The following FADS2 variants were observed in gnomAD, a reference collection of about 807,000 sequenced individuals.
FADS2 encodes acyl-CoA 6-desaturase.
Under a neutral mutation model 61.2 loss-of-function variants are expected in FADS2, and 18 were observed. The ratio of observed to expected loss-of-function variants is 0.29; its 90% CI spans 0.20 to 0.44. The LOEUF (loss-of-function observed/expected upper bound fraction) is 0.44. Ranked by LOEUF, FADS2 falls within the 20% of genes least tolerant of loss-of-function variation. The pLI is 1.00. For missense variants in FADS2, 322 were observed against 572.7 expected (o/e 0.56, Z 4.47); for synonymous variants, 203 against 223.9 (o/e 0.91, Z 0.83).
Position 61,858,536 on chromosome 11 carries a change from T to C in FADS2, c.882+1006T>C, listed in dbSNP as rs73489304. On this transcript the variant is annotated intron_variant, in intron 7 of 11. Coordinates refer to ENST00000278840, the MANE Select transcript of FADS2 (RefSeq NM_004265.4). ...AGTGGATTCTTGAAAATTTTTCCTT[T>C]TTTTTAAAATAGGGACATTGGTCAT... Among the ~76,000 whole-genome samples the C allele has an allele frequency of 5.3e-3, 803 of 152,286 alleles. 8 individuals are homozygous for C. Among genetic ancestry groups the C allele is most frequent in the African/African-American group, 0.018 (745 of 41,550 alleles).
rs2066984045 is a variant in FADS2, at chr11:61,816,421, C to A, written c.136C>A (p.Gln46Lys). The A allele has an allele frequency of 1.3e-6, 2 of 1,598,820 alleles. No homozygotes were observed. Among genetic ancestry groups the A allele is most frequent in the Non-Finnish European group, 1.7e-6 (2 of 1,179,808 alleles). The change falls in exon 1 of 12, where the codon CAA becomes AAA. Residue 46 changes from glutamine to lysine, a missense_variant. Transcript: ENST00000257261. This position sits in a 1 kb window ranked among gnomAD's most constrained non-coding sequence, Gnocchi z 7.0. Reference sequence around the variant, plus strand: ...ATCCGCAGGACACCCAATCACCGGGCAACAGGTATGATCAGGCGCCTCCGG... The same window carrying A: ...ATCCGCAGGACACCCAATCACCGGGAAACAGGTATGATCAGGCGCCTCCGG...
intron 1 of FADS2, chr11:61,821,560 G>A (rs2135947552): frequency 3.2e-6 from 2 of 631,218 alleles, no homozygotes; most frequent in East Asian, 5.5e-5. Flanking sequence ...ACACATATAG[G>A]AGAAGCAATA....
chr11:61,818,071 G>C (rs1313713176), intron 1 of FADS2, among the ~76,000 whole-genome samples: 1 of 152,140 alleles, frequency 6.6e-6, no homozygotes, highest in Admixed American at 6.5e-5. Flanking sequence ...ACTGGTATTT[G>C]GGCACTTCAA....
chr11:61,824,503 G>GAA (rs1182668581), upstream of FADS2, among the ~76,000 whole-genome samples: 2 of 1,914 alleles, frequency 1.0e-3, no homozygotes, highest in Non-Finnish European at 4.8e-3. Flanking sequence ...AGAAAGAAAG[G>GAA]AAAGAAAGAA....
rs370195926 is a variant in FADS2, at chr11:61,837,850, C to T, written c.280C>T (p.Leu94=). 3 of 1,613,790 alleles carry T rather than the reference C, an allele frequency of 1.9e-6. No homozygotes were observed. The highest frequency in any genetic ancestry group is 2.7e-5 in the African/African-American group (2 of 74,928). The change falls in exon 2 of 12, where the codon CTG becomes TTG. Residue 94 remains leucine, a synonymous_variant. Transcript: ENST00000278840. ...KFLKPLLIGE[L]APEEPSQDHG... Reference sequence around the variant, plus strand: ...CTTGAAACCCCTGCTGATTGGTGAACTGGCCCCGGAGGAGCCCAGCCAGGA... The same window carrying T: ...CTTGAAACCCCTGCTGATTGGTGAATTGGCCCCGGAGGAGCCCAGCCAGGA...
chr11:61,866,253 G>A lies in FADS2; in HGVS notation c.*564G>A. ...GCTCGGGTCTCCCTCCTGCAGCTCGGTTAAGTACCCGAGGCCTCTCTTAAG... is the reference window on the plus strand; with the variant it reads ...GCTCGGGTCTCCCTCCTGCAGCTCGATTAAGTACCCGAGGCCTCTCTTAAG... On this transcript the variant is annotated 3_prime_UTR_variant, in exon 12 of 12. Coordinates refer to ENST00000278840, the MANE Select transcript of FADS2 (RefSeq NM_004265.4). 2.7e-6 allele frequency: 1 copy of A among 366,998 alleles called. No homozygotes were observed. The highest frequency in any genetic ancestry group is 4.8e-6 in the Non-Finnish European group (1 of 206,544). 22.7% of individuals were successfully genotyped at this position (366,998 alleles called of 1,614,324 possible). A position where few individuals can be genotyped will look rare whatever the true frequency, so the allele number is the denominator to read the frequency against.
At chr11:61,858,777 G>C (rs1211671451) in intron 7 of FADS2, among the ~76,000 whole-genome samples, 2 of 152,146 alleles carry the variant, frequency 1.3e-5, no homozygotes, top group Non-Finnish European at 2.9e-5. Context: ...GTAGTGATGG[G>C]GTTTCACCAT....
In FADS2 at chr11:61,852,933, T is replaced by C. The variant is rs1040856281; in HGVS notation, c.745-4078T>C. Among the ~76,000 whole-genome samples, 102 of 152,188 alleles carry C rather than the reference T, an allele frequency of 6.7e-4. 1 individual carries two copies. Among genetic ancestry groups the C allele is most frequent in the African/African-American group, 2.3e-3 (95 of 41,516 alleles). Reference sequence around the variant, plus strand: ...ACTTTGGGAGGCCGAGGCTGGCGGATCACGAGGTCAGGAGATCGAGACCAT... The same window carrying C: ...ACTTTGGGAGGCCGAGGCTGGCGGACCACGAGGTCAGGAGATCGAGACCAT... On this transcript the variant is annotated intron_variant, in intron 5 of 11. Transcript: ENST00000278840.
upstream of FADS2, chr11:61,827,770 C>T (rs2067095870): frequency 6.6e-6 from 1 of 152,596 alleles, no homozygotes; most frequent in African/African-American, 2.4e-5. The surrounding 1 kb of genome is among the most constrained non-coding windows in gnomAD (Gnocchi z 4.5). Flanking sequence ...CATTCGTTGC[C>T]CCCACCGGGA....
At position 61,865,806 on chromosome 11, in the gene FADS2, C is replaced by A; in HGVS notation, c.*117C>A. On this transcript the variant is annotated 3_prime_UTR_variant, in exon 12 of 12. Transcript: ENST00000278840. The surrounding 1 kb of genome is among the most constrained non-coding windows in gnomAD (Gnocchi z 4.1). ...GGCTGGTGTATGCACTGCTCACGGACCCCATGTTGGATCTTTCTCCCTTTC... is the reference window on the plus strand; with the variant it reads ...GGCTGGTGTATGCACTGCTCACGGAACCCATGTTGGATCTTTCTCCCTTTC... 2 of 801,508 alleles carry A rather than the reference C, an allele frequency of 2.5e-6. No individual in the cohort carries two copies. The highest frequency in any genetic ancestry group is 1.6e-5 in the South Asian group (1 of 62,014). 49.6% of individuals were successfully genotyped at this position (801,508 alleles called of 1,614,324 possible).
upstream of FADS2, among the ~76,000 whole-genome samples, chr11:61,824,454 G>GA (rs2067059362): frequency 2.0e-4 from 1 of 5,092 alleles, no homozygotes; most frequent in Admixed American, 4.3e-3. Context: ...GAGGGAGGGA[G>GA]GGAGGGAGAG....
rs559420720 is a variant in FADS2, at chr11:61,863,330, C to A, written c.1029C>A (p.Ile343=). The A allele has an allele frequency of 1.9e-6, 3 of 1,614,092 alleles. No homozygotes were observed. Among genetic ancestry groups the A allele is most frequent in the East Asian group, 2.2e-5 (1 of 44,878 alleles). ...WFVWVTQMNH[I]VMEIDQEAYR... is the part of the protein sequence containing the mutation. Reference sequence around the variant, plus strand: ...TGTGGGTCACACAGATGAATCACATCGTCATGGAGATTGACCAGGAGGCCT... The same window carrying A: ...TGTGGGTCACACAGATGAATCACATAGTCATGGAGATTGACCAGGAGGCCT... Residue 343 remains isoleucine (I), a synonymous_variant, in exon 9 of 12, where the codon ATC becomes ATA. Transcript: ENST00000278840.
At chr11:61,824,394 A>AGAGAG, upstream of FADS2, among the ~76,000 whole-genome samples, 1 of 17,342 alleles carries the variant, frequency 5.8e-5, no homozygotes, top group Non-Finnish European at 1.3e-4. Context: ...GGGAAAAAAA[A>AGAGAG]AGAGAGAGAG....
At chr11:61,837,428 T>C (rs2067182948) in intron 1 of FADS2, among the ~76,000 whole-genome samples, 1 of 152,190 alleles carries the variant, frequency 6.6e-6, no homozygotes, top group African/African-American at 2.4e-5. Flanking sequence ...TCACGAGCAG[T>C]CGAGGCTCAA....
In FADS2 at chr11:61,816,964, G is replaced by A; in HGVS notation, c.141+538G>A. 7.3e-7 allele frequency: 1 copy of A among 1,371,786 alleles called. No homozygotes were observed. Among genetic ancestry groups the A allele is most frequent in the Non-Finnish European group, 9.3e-7 (1 of 1,070,730 alleles). 85.0% of individuals were successfully genotyped at this position (1,371,786 alleles called of 1,614,324 possible). On this transcript the variant is annotated intron_variant, in intron 1 of 11. Transcript: ENST00000257261. The surrounding 1 kb of genome is among the most constrained non-coding windows in gnomAD (Gnocchi z 7.0). ...CTCGTGGCGCGGGGAGCGAGATCCC[G>A]TCCCCCGGTGGGTCTTGGGCAACTC... is the stretch of plus-strand genomic sequence containing the variant.
At chr11:61,853,831 G>A (rs2135972677) in intron 5 of FADS2, among the ~76,000 whole-genome samples, 1 of 152,264 alleles carries the variant, frequency 6.6e-6, no homozygotes, top group East Asian at 1.9e-4. Flanking sequence ...ACTGGGCTTT[G>A]CGACAGCTCC....
At chr11:61,844,564 A>G (rs115903717) in intron 4 of FADS2, among the ~76,000 whole-genome samples, 1,893 of 151,614 alleles carry the variant, frequency 0.012, 31 homozygotes, top group African/African-American at 0.042. Flanking sequence ...TAAAAAATAA[A>G]CATAAAAATT....
At chr11:61,827,099 C>T (rs1199063022), upstream of FADS2, among the ~76,000 whole-genome samples, 3 of 152,174 alleles carry the variant, frequency 2.0e-5, no homozygotes, top group Non-Finnish European at 4.4e-5. The surrounding 1 kb of genome is among the most constrained non-coding windows in gnomAD (Gnocchi z 4.5). Context: ...CCACGTGTCC[C>T]GTTAGCCCTC....
chr11:61,854,850 G>A (rs1591177937), intron 5 of FADS2: 1 of 152,254 alleles, frequency 6.6e-6, no homozygotes, highest in Non-Finnish European at 1.5e-5. Context: ...ATACACGTGC[G>A]TGACTGTGAT....
Sources: gnomAD v4.1 joint callset for allele counts (sites outside exome capture counted in the v4.1 genomes callset) on GRCh38, gnomAD v4.1.1 for gene constraint, Gnocchi (gnomAD v3.1) non-coding constraint, MANE v1.5 for transcripts, NCBI Gene and HGNC (gene_info 2026-07-23, HGNC 2026-07-21) for gene names.